The following MAN1B1 variants were observed in gnomAD, a reference collection of about 807,000 sequenced individuals.
MAN1B1 encodes endoplasmic reticulum mannosyl-oligosaccharide 1,2-alpha-mannosidase.
MAN1B1 carries 66 observed loss-of-function variants against 75.5 expected under a neutral mutation model. That is an observed-to-expected ratio of 0.87 (90% confidence interval 0.72 to 1.07). The LOEUF is 1.07. Ranked by LOEUF, MAN1B1 falls within the 50% of genes least tolerant of loss-of-function variation. The pLI, the probability that MAN1B1 is intolerant of heterozygous loss-of-function variation, is 0.00. For missense variants in MAN1B1, 973 were observed against 912.5 expected, an observed-to-expected ratio of 1.07 and a Z score of -0.85; for synonymous variants, 453 against 382.8, an observed-to-expected ratio of 1.18 and a Z score of -2.14.
rs370807578 is a variant in MAN1B1, at chr9:137,101,131, A to G, written c.1043A>G (p.Asp348Gly). The G allele has an allele frequency of 8.1e-6, 13 of 1,613,990 alleles. No individual in the cohort carries two copies. In the South Asian group the frequency reaches 1.4e-4, roughly 18 times the overall value. ...GLLSAYHLSG[D>G]SLFLRKAEDF... ...CTGAGTGCCTACCACCTGTCTGGGG[A>G]CAGCCTCTTCCTGAGGAAAGCTGTA... The change falls in exon 7 of 13, where the codon GAC (aspartate) becomes GGC (glycine). Residue 348 changes from aspartate (D) to glycine (G), a missense_variant. Physicochemically the swap from Asp to Gly is moderately conservative, Grantham distance 94. Transcript: ENST00000371589.
chr9:137,104,116 A>G, intron 8 of MAN1B1: 2 of 455,332 alleles, frequency 4.4e-6, no homozygotes, highest in Admixed American at 4.7e-5. Context: ...AAGCTCTCCC[A>G]TCACACAGTG....
intron 3 of MAN1B1, among the ~76,000 whole-genome samples, chr9:137,094,965 A>C (rs966366977): frequency 1.3e-5 from 2 of 151,944 alleles, no homozygotes; most frequent in Non-Finnish European, 2.9e-5. Context: ...AGGTGGGTAG[A>C]TCACCTGAGG....
At chr9:137,104,812 G>C (rs989504601) in intron 8 of MAN1B1, 1 of 152,268 alleles carries the variant, frequency 6.6e-6, no homozygotes, top group Non-Finnish European at 1.4e-5. Context: ...GCACACACCT[G>C]CCTGAGGCTG....
At chr9:137,098,075 G>C in intron 5 of MAN1B1, 138 bp downstream of exon 5, 1 of 677,454 alleles carries the variant, frequency 1.5e-6, no homozygotes, top group Non-Finnish European at 2.6e-6. Context: ...CCTGTTGTCT[G>C]AGTCCTCACA....
chr9:137,102,378 TGCA>T, intron 8 of MAN1B1: 3 of 433,516 alleles, frequency 6.9e-6, no homozygotes, highest in East Asian at 7.6e-5. Flanking sequence ...GTTGCAGACG[TGCA>T]GGTCAGTGCT....
At chr9:137,107,490 T>C (rs766067433) in intron 11 of MAN1B1, 41 bp from the exon 12 acceptor site, 12 of 1,613,052 alleles carry the variant, frequency 7.4e-6, no homozygotes, top group Non-Finnish European at 1.0e-5. Context: ...AGGAGGGTGC[T>C]GGCAGGGCTG....
chr9:137,087,956 AAT>A, intron 1 of MAN1B1, 117 bp from the exon 2 acceptor site: 1 of 876,224 alleles, frequency 1.1e-6, no homozygotes, highest in South Asian at 1.4e-5. Flanking sequence ...AAAAAAAAGA[AAT>A]AGAGCTGAAC....
chr9:137,101,575 C>T lies in MAN1B1; in HGVS notation c.1157C>T (p.Pro386Leu), dbSNP rs748938366. 3.0e-5 allele frequency: 48 copies of T among 1,613,744 alleles called. No homozygotes were observed. Among genetic ancestry groups the T allele is most frequent in the Non-Finnish European group, 3.8e-5 (45 of 1,180,036 alleles). ...AACATCGGTACTGGAGTTGCCCACC[C>T]GCCACGGTGGACCTCCGACAGCACT... Reference protein sequence around the residue: ...DVNIGTGVAHPPRWTSDSTVA... With the variant: ...DVNIGTGVAHLPRWTSDSTVA... Residue 386 changes from proline to leucine, a missense_variant, in exon 8 of 13, where the codon CCG becomes CTG. By Grantham distance (98) the Pro-to-Leu change is moderately conservative. Transcript: ENST00000371589.
At chr9:137,107,930 C>G (rs1434891154) in intron 12 of MAN1B1, 1 of 644,736 alleles carries the variant, frequency 1.6e-6, no homozygotes, top group African/African-American at 1.8e-5. Context: ...TAGGGAGGGT[C>G]TCTGCTGTGG....
At chr9:137,107,206 G>A in intron 10 of MAN1B1, 44 bp from the exon 11 acceptor site, 1 of 1,598,396 alleles carries the variant, frequency 6.3e-7, no homozygotes, top group Non-Finnish European at 8.6e-7. Context: ...GCAGGCTGAG[G>A]GCAGGGCCTG....
chr9:137,105,248 A>G (rs1831051421), intron 8 of MAN1B1: 1 of 152,842 alleles, frequency 6.5e-6, no homozygotes, highest in Admixed American at 6.5e-5. Context: ...ATTTGGCCTC[A>G]TGTTCGAGTC....
intron 8 of MAN1B1, chr9:137,102,734 G>A (rs976451429): frequency 9.3e-5 from 42 of 453,290 alleles, no homozygotes; most frequent in Middle Eastern, 3.3e-4. Flanking sequence ...TGTTGCAGGC[G>A]TGCAGGTCGG....
intron 2 of MAN1B1, 92 bp downstream of exon 2, chr9:137,088,275 A>T (rs749687931): frequency 5.7e-5 from 92 of 1,612,558 alleles, no homozygotes; most frequent in Non-Finnish European, 7.5e-5. Flanking sequence ...CAGCTCCAGG[A>T]GGCATATATG....
At chr9:137,087,519 C>T (rs1038169674) in intron 1 of MAN1B1, 1 of 614,608 alleles carries the variant, frequency 1.6e-6, no homozygotes. Flanking sequence ...GGCGCCTGCC[C>T]CTCTTGGAGC....
intron 9 of MAN1B1, 100 bp downstream of exon 9, chr9:137,106,415 C>A: frequency 8.6e-7 from 1 of 1,168,732 alleles, no homozygotes; most frequent in Non-Finnish European, 1.2e-6. Flanking sequence ...CTCCTGCTGC[C>A]CCCCGCCACA....
At chr9:137,104,110 T>G in intron 8 of MAN1B1, 1 of 455,876 alleles carries the variant, frequency 2.2e-6, no homozygotes, top group Non-Finnish European at 4.4e-6. Flanking sequence ...AAACTGAAGC[T>G]CTCCCATCAC....
At chr9:137,107,995 C>A in intron 12 of MAN1B1, 1 of 621,924 alleles carries the variant, frequency 1.6e-6, no homozygotes, top group Admixed American at 2.9e-5. Context: ...GGGCACCATC[C>A]CCACTGTGGA....
Position 137,087,184 on chromosome 9 carries a change from A to T in MAN1B1, c.185A>T (p.Asn62Ile). Residue 62 changes from asparagine to isoleucine, a missense_variant, in exon 1 of 13, where the codon AAC (asparagine) becomes ATC (isoleucine). Asn to Ile is a moderately radical substitution (Grantham distance 149). Coordinates refer to ENST00000371589, the MANE Select transcript of MAN1B1 (RefSeq NM_016219.5). ...VTLSFGENYD[N>I]SKSWRRRSCW... The stretch of plus-strand genomic sequence containing the variant: ...CTGAGCTTTGGCGAGAACTATGACA[A>T]CAGCAAGAGTTGGCGGCGGCGCTCG... 1.9e-6 allele frequency: 3 copies of T among 1,591,230 alleles called. No homozygotes were observed. The highest frequency in any genetic ancestry group is 2.6e-6 in the Non-Finnish European group (3 of 1,169,662).
intron 12 of MAN1B1, 135 bp downstream of exon 12, chr9:137,107,797 C>T (rs751739817): frequency 1.5e-4 from 197 of 1,311,248 alleles, no homozygotes; most frequent in South Asian, 1.9e-4. Context: ...GCCGCAGCCT[C>T]GGGGTGGCCA....
Sources: gnomAD v4.1 joint callset for allele counts (sites outside exome capture counted in the v4.1 genomes callset) on GRCh38, gnomAD v4.1.1 for gene constraint, MANE v1.5 for transcripts, NCBI Gene and HGNC (gene_info 2026-07-23, HGNC 2026-07-21) for gene names.